The following ZNF140 variants were observed in gnomAD, a reference collection of about 807,000 sequenced individuals.
The protein encoded by ZNF140 is zinc finger protein 140, also known as zinc finger protein 140 (clone pHZ-39).
In ZNF140, 13 loss-of-function variants were observed where a neutral mutation model predicts 12.9. That is an observed-to-expected ratio of 1.01 (90% CI 0.66 to 1.60). The LOEUF is 1.60. Ranked by LOEUF, ZNF140 falls within the 40% of genes most tolerant of loss-of-function variation. The pLI is 0.00. For synonymous variants in ZNF140, 214 were observed against 186.7 expected, an observed-to-expected ratio of 1.15 and a Z score of -1.19; for missense variants, 531 against 548.8, an observed-to-expected ratio of 0.97 and a Z score of 0.32.
rs2137471754 is a variant in ZNF140 at position 133,081,363 on chromosome 12, A to ATATATATG, written c.9+41_9+42insGTATATAT. ...ATGATTGATAAATATATATATATAT[A>ATATATATG]TATATATAAATTTTTATTTTTTTTT... On this transcript the variant is annotated intron_variant, in intron 2 of 4. Transcript: ENST00000355557. The ATATATATG allele has an allele frequency of 1.1e-5, 3 of 268,216 alleles. No homozygotes were observed. The East Asian group carries it at 2.4e-4, about 22-fold the overall frequency. 16.6% of individuals were successfully genotyped at this position (268,216 alleles called of 1,614,324 possible).
intron 4 of ZNF140, among the ~76,000 whole-genome samples, chr12:133,092,383 A>T (rs1954925191): frequency 6.6e-6 from 1 of 151,204 alleles, no homozygotes; most frequent in Non-Finnish European, 1.5e-5. Flanking sequence ...TACAATTTTC[A>T]CAGGTTATAG....
rs1428247191 is a variant in ZNF140, at chr12:133,105,656, A to G, written c.379A>G (p.Thr127Ala). 14 of 1,614,114 alleles carry G rather than the reference A, an allele frequency of 8.7e-6. No homozygotes were observed. The African/African-American group carries it at 1.3e-4, about 15-fold the overall frequency. The change falls in exon 5 of 5, where the codon ACT becomes GCT. Residue 127 changes from threonine to alanine, a missense_variant. Transcript: ENST00000355557. ...AGGAGGCTGGAAATGCAAGGATCAT[A>G]CTGAGATGCTGCAAGAAAATCAGGG... ...FKGGWKCKDH[T>A]EMLQENQGCI...
intron 4 of ZNF140, among the ~76,000 whole-genome samples, chr12:133,091,206 C>T (rs1954873102): frequency 6.6e-6 from 1 of 150,568 alleles, no homozygotes; most frequent in African/African-American, 2.5e-5. Context: ...CAATACCCTG[C>T]TTTCAAGGGC....
In ZNF140 at chr12:133,083,231, T is replaced by C; in HGVS notation, c.136+2T>C. On this transcript the variant is annotated splice_donor_variant, in intron 3 of 4. Transcript: ENST00000355557. LOFTEE classifies it high-confidence loss of function. Reference sequence around the variant, plus strand: ...ACTATGGCCATCTGGTCTCACTGGGTAAGTATTCTTCTTCATCTCCCTCAA... The same window carrying C: ...ACTATGGCCATCTGGTCTCACTGGGCAAGTATTCTTCTTCATCTCCCTCAA... The C allele has an allele frequency of 6.2e-7, 1 of 1,608,646 alleles. No homozygotes were observed. Among genetic ancestry groups the C allele is most frequent in the Admixed American group, 1.7e-5 (1 of 59,824 alleles).
chr12:133,081,195 TC>T, intron 1 of ZNF140, 77 bp from the exon 2 acceptor site: 5 of 584,622 alleles, frequency 8.6e-6, no homozygotes, highest in East Asian at 3.8e-5. Context: ...GCCACGGGAA[TC>T]CCCAGTGCGG....
chr12:133,096,005 A>T (rs552208399), intron 4 of ZNF140, among the ~76,000 whole-genome samples: 5 of 150,966 alleles, frequency 3.3e-5, no homozygotes, highest in Non-Finnish European at 7.4e-5. Context: ...CAACTGCAAG[A>T]GGCTTTCCTC....
chr12:133,097,645 A>G (rs1433495387), intron 4 of ZNF140, among the ~76,000 whole-genome samples: 2 of 146,008 alleles, frequency 1.4e-5, no homozygotes, highest in East Asian at 3.9e-4. Flanking sequence ...TCTGTCTCAA[A>G]AAAAAAAAAA....
rs1593734785 is a variant in ZNF140, at chr12:133,081,371, A to ATATATATATATATAT, written c.9+42_9+43insTATATATATATATAT. 1,543 of 251,206 alleles carry ATATATATATATATAT rather than the reference A, an allele frequency of 6.1e-3. 50 individuals carry two copies. The highest frequency in any genetic ancestry group is 8.5e-3 in the African/African-American group (301 of 35,432). 15.6% of individuals were successfully genotyped at this position (251,206 alleles called of 1,614,324 possible). On this transcript the variant is annotated intron_variant, in intron 2 of 4. Transcript: ENST00000355557. ...TAAATATATATATATATATATATAT[A>ATATATATATATATAT]AATTTTTATTTTTTTTTTAAGAGAG... is the stretch of plus-strand genomic sequence containing the variant.
Position 133,083,105 on chromosome 12 carries a change from G to T in ZNF140, c.12G>T (p.Gly4=). 2 of 1,614,200 alleles carry T rather than the reference G, an allele frequency of 1.2e-6. No individual in the cohort carries two copies. The highest frequency in any genetic ancestry group is 1.7e-6 in the Non-Finnish European group (2 of 1,180,036). MSQ[G]SVTFRDVAID... ...CAAATATCTGTCCGTCATTTCAGGG[G>T]TCAGTGACATTCAGAGATGTGGCCA... Residue 4 remains glycine, a splice_region_variant and synonymous_variant, in exon 3 of 5, where the codon GGG becomes GGT. Coordinates refer to ENST00000355557, the MANE Select transcript of ZNF140 (RefSeq NM_003440.4).
chr12:133,104,648 G>A (rs1387068586), intron 4 of ZNF140, among the ~76,000 whole-genome samples: 2 of 152,082 alleles, frequency 1.3e-5, no homozygotes, highest in Admixed American at 1.3e-4. Flanking sequence ...ACTGCGCCCG[G>A]CCAAGAGTAT....
chr12:133,081,148 G>C, intron 1 of ZNF140, 76 bp downstream of exon 1: 1 of 307,022 alleles, frequency 3.3e-6, no homozygotes, highest in East Asian at 7.0e-5. Flanking sequence ...GATCTCTCAG[G>C]GCGCCCTGCT....
intron 4 of ZNF140, among the ~76,000 whole-genome samples, chr12:133,092,617 T>C (rs1954931133): frequency 6.6e-6 from 1 of 151,268 alleles, no homozygotes. Flanking sequence ...CAGGACTAAC[T>C]AACTTTGGTC....
At position 133,100,682 on chromosome 12, in the gene ZNF140, C is replaced by G. The variant is rs1053238844; in HGVS notation, c.233-4828C>G. 4.9e-4 allele frequency among the ~76,000 whole-genome samples: 75 copies of G among 152,240 alleles called. 2 individuals carry two copies. The highest frequency in any genetic ancestry group is 4.5e-3 in the Admixed American group (68 of 15,272). On this transcript the variant is annotated intron_variant, in intron 4 of 4. Transcript: ENST00000355557. ...TTCACATTTTCCCATTAAGGAAGCA[C>G]TTTGTAGCTTCTTTTTGGCATATCT...
Position 133,106,947 on chromosome 12 carries a change from C to A in ZNF140, c.*296C>A. The A allele has an allele frequency of 4.5e-6, 1 of 220,794 alleles. No individual in the cohort carries two copies. Among genetic ancestry groups the A allele is most frequent in the Non-Finnish European group, 9.0e-6 (1 of 111,684 alleles). The allele number at this position is 220,794 out of a possible 1,614,324, so 13.7% of individuals were successfully genotyped here. A position where few individuals can be genotyped will look rare whatever the true frequency, so the allele number is the denominator to read the frequency against. Reference sequence around the variant, plus strand: ...CATTTGGTAGGAGTCCCTTACTTTACGTGTGTAAATTCCTACCAGGAAAGA... The same window carrying A: ...CATTTGGTAGGAGTCCCTTACTTTAAGTGTGTAAATTCCTACCAGGAAAGA... On this transcript the variant is annotated 3_prime_UTR_variant, in exon 5 of 5. Transcript: ENST00000355557.
At chr12:133,100,089 T>C (rs1955282029) in intron 4 of ZNF140, among the ~76,000 whole-genome samples, 2 of 151,730 alleles carry the variant, frequency 1.3e-5, no homozygotes, top group African/African-American at 4.8e-5. Context: ...CAGATAGTAT[T>C]GAACCTCATT....
chr12:133,083,453 T>G lies in ZNF140; in HGVS notation c.137-13T>G. ...ATGACTGATCTTGAATTTATTTCAT[T>G]TTCTGCAAGCAGGTCTTTCCATTTC... is the stretch of plus-strand genomic sequence containing the variant. On this transcript the variant is annotated splice_polypyrimidine_tract_variant and intron_variant, in intron 3 of 4. Coordinates refer to ENST00000355557, the MANE Select transcript of ZNF140 (RefSeq NM_003440.4). The G allele has an allele frequency of 6.2e-7, 1 of 1,604,118 alleles. No homozygotes were observed. Among genetic ancestry groups the G allele is most frequent in the South Asian group, 1.1e-5 (1 of 88,754 alleles).
In ZNF140 at chr12:133,083,169, G is replaced by A; in HGVS notation, c.76G>A (p.Ala26Thr). Reference protein sequence around the residue: ...SQEEWKWLQPAQRDLYRCVML... With the variant: ...SQEEWKWLQPTQRDLYRCVML... ...GGAGGAGTGGAAATGGCTTCAGCCT[G>A]CTCAAAGAGATTTGTACAGATGTGT... is the stretch of plus-strand genomic sequence containing the variant. Residue 26 changes from alanine (A) to threonine (T), a missense_variant, in exon 3 of 5, where the codon GCT (alanine) becomes ACT (threonine). By Grantham distance (58) the Ala-to-Thr change is moderately conservative. Coordinates refer to ENST00000355557, the MANE Select transcript of ZNF140 (RefSeq NM_003440.4). 1 of 1,614,214 alleles carries A rather than the reference G, an allele frequency of 6.2e-7. No homozygotes were observed. The highest frequency in any genetic ancestry group is 8.5e-7 in the Non-Finnish European group (1 of 1,180,032).
intron 4 of ZNF140, among the ~76,000 whole-genome samples, chr12:133,091,741 C>G (rs1021914524): frequency 6.6e-6 from 1 of 151,080 alleles, no homozygotes; most frequent in African/African-American, 2.5e-5. Flanking sequence ...ATTTGTGAGG[C>G]TATCAACAGC....
intron 4 of ZNF140, among the ~76,000 whole-genome samples, chr12:133,095,351 G>A (rs1222126302): frequency 2.0e-5 from 3 of 150,856 alleles, no homozygotes; most frequent in African/African-American, 4.9e-5. Context: ...TCCTCCGAGC[G>A]CACAAGCTTA....
Sources: gnomAD v4.1 joint callset for allele counts (sites outside exome capture counted in the v4.1 genomes callset) on GRCh38, gnomAD v4.1.1 for gene constraint, MANE v1.5 for transcripts, NCBI Gene and HGNC (gene_info 2026-07-23, HGNC 2026-07-21) for gene names.